The following FBXL16 variants were observed in gnomAD, a reference collection of about 807,000 sequenced individuals.
FBXL16 encodes F-box/LRR-repeat protein 16.
A neutral mutation model predicts 36.7 loss-of-function variants in FBXL16; 7 were observed. That is an observed-to-expected ratio of 0.19 (90% CI 0.11 to 0.36). FBXL16 has a LOEUF of 0.36. Ranked by LOEUF, FBXL16 falls within the 10% of genes least tolerant of loss-of-function variation. The pLI, the probability that FBXL16 is intolerant of heterozygous loss-of-function variation, is 1.00. For missense variants in FBXL16, 463 were observed against 659.4 expected (o/e 0.70, Z 3.26); for synonymous variants, 355 against 308.7 (o/e 1.15, Z -1.57).
chr16:701,620 C>T (rs1218303617), intron 1 of FBXL16, among the ~76,000 whole-genome samples: 4 of 151,932 alleles, frequency 2.6e-5, no homozygotes, highest in Non-Finnish European at 5.9e-5. Context: ...ACCCACCCAG[C>T]CAGACGGTCA....
At chr16:702,817 G>A (rs1196365124) in intron 1 of FBXL16, among the ~76,000 whole-genome samples, 2 of 152,184 alleles carry the variant, frequency 1.3e-5, no homozygotes, top group Admixed American at 6.5e-5. Flanking sequence ...GATGAGGAGG[G>A]CCCATCTCCT....
intron 1 of FBXL16, among the ~76,000 whole-genome samples, chr16:698,944 A>C (rs886816360): frequency 7.3e-5 from 10 of 137,902 alleles, no homozygotes; most frequent in African/African-American, 2.6e-4. Context: ...AAAGAAAGAA[A>C]GAAAAAGAAA....
intron 3 of FBXL16, 136 bp downstream of exon 3, chr16:695,279 G>C (rs762677917): frequency 7.6e-6 from 9 of 1,188,606 alleles, no homozygotes; most frequent in Non-Finnish European, 9.9e-6. Flanking sequence ...CCCAGGCTCC[G>C]AGGGCTCTGC....
At chr16:702,910 G>T (rs1022047287) in intron 1 of FBXL16, among the ~76,000 whole-genome samples, 1 of 152,244 alleles carries the variant, frequency 6.6e-6, no homozygotes, top group African/African-American at 2.4e-5. Flanking sequence ...GCCAAGAGAG[G>T]GAAGGGGGTC....
chr16:699,436 G>A (rs1370407656), intron 1 of FBXL16, among the ~76,000 whole-genome samples: 5 of 152,310 alleles, frequency 3.3e-5, no homozygotes, highest in South Asian at 2.1e-4. Context: ...TAGAGCCCCT[G>A]GGGTCACACG....
intron 3 of FBXL16, 93 bp downstream of exon 3, chr16:695,322 C>T: frequency 4.7e-6 from 5 of 1,073,228 alleles, no homozygotes; most frequent in Non-Finnish European, 5.7e-6. Flanking sequence ...CCGCCGGAAG[C>T]CCCCGCCCCC....
In FBXL16 at chr16:695,656, G is replaced by A; in HGVS notation, c.901C>T (p.Leu301=). 6.2e-7 allele frequency: 1 copy of A among 1,606,522 alleles called. No individual in the cohort carries two copies. Residue 301 remains leucine, a synonymous_variant, in exon 3 of 6, where the codon CTG becomes TTG. Coordinates refer to ENST00000397621, the MANE Select transcript of FBXL16 (RefSeq NM_153350.4). ...RQGHSTHTLR[L]LSCWEITNHG... ...TTGGTGATCTCCCAGCAGGAGAGCA[G>A]GCGCAGCGTGTGCGTGCTGTGGCCC...
rs879178290 is a variant in FBXL16, at chr16:694,037, AGTGT to A, written c.*234_*237del. On this transcript the variant is annotated 3_prime_UTR_variant, in exon 6 of 6. Coordinates refer to ENST00000397621, the MANE Select transcript of FBXL16 (RefSeq NM_153350.4). The stretch of plus-strand genomic sequence containing the variant: ...ACGAGGGGCATGCACAAAGTCCCCG[AGTGT>A]GCGTGCGTGCGTGGGGCGGGCCCAC... 2 of 208,068 alleles carry A rather than the reference AGTGT, an allele frequency of 9.6e-6. No individual in the cohort carries two copies. Among genetic ancestry groups the A allele is most frequent in the African/African-American group, 4.7e-5 (2 of 42,714 alleles). The allele number at this position is 208,068 out of a possible 1,614,324, so 12.9% of individuals were successfully genotyped here.
intron 4 of FBXL16, 43 bp from the exon 5 acceptor site, chr16:694,740 C>A: frequency 6.4e-7 from 1 of 1,560,896 alleles, no homozygotes; most frequent in Non-Finnish European, 8.7e-7. Flanking sequence ...CCGCTCGCAC[C>A]GAGGCGGAGG....
intron 1 of FBXL16, among the ~76,000 whole-genome samples, chr16:700,577 G>A (rs1201622825): frequency 6.6e-6 from 1 of 152,058 alleles, no homozygotes; most frequent in East Asian, 1.9e-4. Flanking sequence ...GCGCGGGGCT[G>A]CCTCGGTTCC....
chr16:700,492 G>A (rs894191924), intron 1 of FBXL16, among the ~76,000 whole-genome samples: 2 of 152,162 alleles, frequency 1.3e-5, no homozygotes, highest in Admixed American at 1.3e-4. Context: ...GGGTGGAGGG[G>A]TCGCTACCTC....
chr16:694,552 C>T (rs1307429944), intron 5 of FBXL16, 82 bp downstream of exon 5: 3 of 1,527,168 alleles, frequency 2.0e-6, no homozygotes, highest in Non-Finnish European at 2.7e-6. Context: ...TGAGTTTGCA[C>T]AAGGACCGGG....
intron 1 of FBXL16, among the ~76,000 whole-genome samples, chr16:700,033 G>T (rs1202704124): frequency 6.6e-6 from 1 of 152,144 alleles, no homozygotes; most frequent in Non-Finnish European, 1.5e-5. Context: ...ATCTGGTCAG[G>T]GGGGAGGGGA....
Position 695,861 on chromosome 16 carries a change from G to T in FBXL16, c.696C>A (p.Thr232=). 6.2e-7 allele frequency: 1 copy of T among 1,603,304 alleles called. No homozygotes were observed. The highest frequency in any genetic ancestry group is 2.2e-5 in the East Asian group (1 of 44,572). ...RLELSGCNDF[T]EAGLWSSLSA... is the part of the protein sequence containing the mutation. ...TCAGGCTGGACCACAGCCCGGCCTC[G>T]GTGAAGTCGTTGCAGCCCGACAGCT... is the stretch of plus-strand genomic sequence containing the variant. The change falls in exon 3 of 6, where the codon ACC becomes ACA. Residue 232 remains threonine (T), a synonymous_variant. Transcript: ENST00000397621.
rs2040032387 is a variant in FBXL16 at position 698,589 on chromosome 16, C to G, written c.-14-1170G>C. On this transcript the variant is annotated intron_variant, in intron 1 of 5. Coordinates refer to ENST00000397621, the MANE Select transcript of FBXL16 (RefSeq NM_153350.4). ...GGCTCTGGTGCTGACTCTGCAGCCA[C>G]CCTCCACATGCACAGGAGCTTCCCT... Among the ~76,000 whole-genome samples, 10 of 152,306 alleles carry G rather than the reference C, an allele frequency of 6.6e-5. No individual in the cohort carries two copies. In the South Asian group the frequency reaches 2.1e-3, roughly 32 times the overall value.
rs751013464 is a variant in FBXL16 at position 694,395 on chromosome 16, C to T, written c.1320G>A (p.Leu440=). Residue 440 remains leucine (L), a synonymous_variant, in exon 6 of 6, where the codon CTG becomes CTA. Transcript: ENST00000397621. Reference sequence around the variant, plus strand: ...GCTCCTGCAGCTGCACCAGGCCCGACAGCCCGGTGGTGGTGAGCAGCGGGC... The same window carrying T: ...GCTCCTGCAGCTGCACCAGGCCCGATAGCCCGGTGGTGGTGAGCAGCGGGC... The part of the protein sequence containing the change: ...AGCPLLTTTG[L]SGLVQLQELE... 3 of 1,546,674 alleles carry T rather than the reference C, an allele frequency of 1.9e-6. No individual in the cohort carries two copies. Among genetic ancestry groups the T allele is most frequent in the Non-Finnish European group, 2.6e-6 (3 of 1,155,160 alleles).
rs566918925 is a variant in FBXL16 at position 696,749 on chromosome 16, G to C, written c.633+24C>G. 30 of 1,381,404 alleles carry C rather than the reference G, an allele frequency of 2.2e-5. No individual in the cohort carries two copies. The Admixed American group carries it at 3.4e-4, about 16-fold the overall frequency. The allele number at this position is 1,381,404 out of a possible 1,614,324, so 85.6% of individuals were successfully genotyped here. A position where few individuals can be genotyped will look rare whatever the true frequency, so the allele number is the denominator to read the frequency against. On this transcript the variant is annotated intron_variant, in intron 2 of 5. Coordinates refer to ENST00000397621, the MANE Select transcript of FBXL16 (RefSeq NM_153350.4). ...CTGCCCGCCCCTGCCCCCCAGCCCT[G>C]TCCCCCCCGAGCCTGGTGCACACCT... is the stretch of plus-strand genomic sequence containing the variant.
chr16:697,968 C>T lies in FBXL16; in HGVS notation c.-14-549G>A, dbSNP rs2040027413. Among the ~76,000 whole-genome samples the T allele has an allele frequency of 6.6e-6, 1 of 151,744 alleles. No homozygotes were observed. On this transcript the variant is annotated intron_variant, in intron 1 of 5. Coordinates refer to ENST00000397621, the MANE Select transcript of FBXL16 (RefSeq NM_153350.4). This position sits in a 1 kb window ranked among gnomAD's most constrained non-coding sequence, Gnocchi z 4.6. ...TGAGCCGAGATTGCGCCACTGCACT[C>T]CAGCCTGGGCAACTGAGCAAGACTC...
At chr16:696,752 C>CCCCCCA (rs2151520627) in intron 2 of FBXL16, 21 bp downstream of exon 2, 2 of 1,249,806 alleles carry the variant, frequency 1.6e-6, no homozygotes, top group Non-Finnish European at 2.1e-6. Flanking sequence ...CAGCCCTGTC[C>CCCCCCA]CCCCCGAGCC....
Sources: allele counts gnomAD v4.1 joint callset (sites outside exome capture counted in the v4.1 genomes callset), GRCh38; gene constraint gnomAD v4.1.1; non-coding constraint Gnocchi (gnomAD v3.1); transcripts MANE v1.5; gene names NCBI Gene and HGNC (gene_info 2026-07-23, HGNC 2026-07-21).